The following RTN4IP1 variants were observed in gnomAD, a reference collection of about 807,000 sequenced individuals.
RTN4IP1 encodes the protein reticulon 4 interacting protein 1, also known as NAD(P)H oxidoreductase RTN4IP1, mitochondrial.
A neutral mutation model predicts 46.6 loss-of-function variants in RTN4IP1; 32 were observed. That is an observed-to-expected ratio of 0.69 (90% CI 0.52 to 0.92). The LOEUF is 0.92. RTN4IP1 is among the 40% of genes least tolerant of loss of function. The pLI is 0.00. For synonymous variants in RTN4IP1, 167 were observed against 161.8 expected, an observed-to-expected ratio of 1.03 and a Z score of -0.24; for missense variants, 424 against 485.8, an observed-to-expected ratio of 0.87 and a Z score of 1.20.
At chr6:106,598,690 CTTTAG>C (rs1177182715) in intron 5 of RTN4IP1, among the ~76,000 whole-genome samples, 3 of 151,836 alleles carry the variant, frequency 2.0e-5, no homozygotes, top group African/African-American at 7.3e-5. Context: ...TGCAGAAGCT[CTTTAG>C]TTTAATTAGA....
intron 6 of RTN4IP1, among the ~76,000 whole-genome samples, chr6:106,591,695 G>C (rs1317977134): frequency 6.6e-6 from 1 of 152,018 alleles, no homozygotes; most frequent in Non-Finnish European, 1.5e-5. Flanking sequence ...ACCACAGCCT[G>C]GCATTCAGAC....
chr6:106,620,130 C>T (rs1776451973), intron 3 of RTN4IP1, among the ~76,000 whole-genome samples: 1 of 151,828 alleles, frequency 6.6e-6, no homozygotes, highest in African/African-American at 2.4e-5. Flanking sequence ...GCTCTGTCAC[C>T]CAGGCTGGAG....
At chr6:106,619,893 A>C (rs776250335) in intron 3 of RTN4IP1, among the ~76,000 whole-genome samples, 1 of 151,264 alleles carries the variant, frequency 6.6e-6, no homozygotes, top group East Asian at 2.0e-4. Context: ...TTACAGGCGT[A>C]AGCCACCGCG....
chr6:106,628,205 C>T (rs1053415534), intron 1 of RTN4IP1, among the ~76,000 whole-genome samples: 1 of 151,980 alleles, frequency 6.6e-6, no homozygotes, highest in Non-Finnish European at 1.5e-5. Context: ...CGCAATGGCT[C>T]GTCTGTAATC....
intron 8 of RTN4IP1, among the ~76,000 whole-genome samples, chr6:106,578,041 T>A (rs1012382845): frequency 2.0e-5 from 3 of 152,190 alleles, no homozygotes; most frequent in African/African-American, 7.2e-5. Context: ...CAAATATGTA[T>A]AAATATTTTC....
At chr6:106,624,880 G>A (rs1334670630) in intron 1 of RTN4IP1, among the ~76,000 whole-genome samples, 4 of 144,746 alleles carry the variant, frequency 2.8e-5, no homozygotes, top group African/African-American at 5.1e-5. Flanking sequence ...AGACTGCAGT[G>A]AGCCATGATC....
intron 5 of RTN4IP1, among the ~76,000 whole-genome samples, chr6:106,595,642 T>A (rs577568147): frequency 0.04 from 6,013 of 151,802 alleles, 169 homozygotes; most frequent in Non-Finnish European, 0.06. Context: ...AGATTACAGG[T>A]GCCCACCACC....
intron 1 of RTN4IP1, among the ~76,000 whole-genome samples, chr6:106,626,716 C>CA (rs1360306676): frequency 1.4e-4 from 22 of 152,186 alleles, no homozygotes; most frequent in Non-Finnish European, 2.2e-4. Context: ...TTTGGTGACA[C>CA]GGATGACTGA....
intron 1 of RTN4IP1, among the ~76,000 whole-genome samples, chr6:106,627,874 TCCCA>T (rs1046843310): frequency 2.2e-5 from 3 of 135,044 alleles, no homozygotes; most frequent in African/African-American, 8.3e-5. Context: ...TGCCTCAGCC[TCCCA>T]CCAACACAGT....
chr6:106,572,019 T>C lies in RTN4IP1; in HGVS notation c.1168A>G (p.Lys390Glu), dbSNP rs775362076. ...LKVERGHARGKTVINVV is the reference protein window; with the variant it reads ...LKVERGHARGETVINVV ...ATTTAAACAACATTAATTACAGTCT[T>C]TCCTCGTGCGTGTCCTCTTTCCACC... The change falls in exon 9 of 9, where the codon AAG becomes GAG. Residue 390 changes from lysine (K) to glutamate (E), a missense_variant. Physicochemically the swap from Lys to Glu is moderately conservative, Grantham distance 56. Coordinates refer to ENST00000369063, the MANE Select transcript of RTN4IP1 (RefSeq NM_032730.5). The C allele has an allele frequency of 5.6e-6, 9 of 1,612,996 alleles. No individual in the cohort carries two copies. Among genetic ancestry groups the C allele is most frequent in the South Asian group, 1.1e-5 (1 of 91,058 alleles).
At chr6:106,577,829 G>A (rs889768264) in intron 8 of RTN4IP1, among the ~76,000 whole-genome samples, 1 of 152,050 alleles carries the variant, frequency 6.6e-6, no homozygotes, top group Non-Finnish European at 1.5e-5. Context: ...GTCAAGGGAG[G>A]TACAGCCTCT....
rs1433725163 is a variant in RTN4IP1 at position 106,597,417 on chromosome 6, T to C, written c.670-5117A>G. Among the ~76,000 whole-genome samples, 3 of 152,324 alleles carry C rather than the reference T, an allele frequency of 2.0e-5. No homozygotes were observed. In the East Asian group the frequency reaches 5.8e-4, roughly 29 times the overall value. Reference sequence around the variant, plus strand: ...TGAAGTGCAGTGGTGTGATCACAGCTCACTGCAGCCTCGACCTCCTGGGCT... The same window carrying C: ...TGAAGTGCAGTGGTGTGATCACAGCCCACTGCAGCCTCGACCTCCTGGGCT... On this transcript the variant is annotated intron_variant, in intron 5 of 8. Transcript: ENST00000369063.
At chr6:106,589,117 GGAA>G (rs1554195427) in intron 6 of RTN4IP1, among the ~76,000 whole-genome samples, 1 of 112,508 alleles carries the variant, frequency 8.9e-6, no homozygotes, top group Non-Finnish European at 1.8e-5. Context: ...AAGAAGAAGA[GGAA>G]GAAGAGGAAG....
At position 106,622,888 on chromosome 6, in the gene RTN4IP1, A is replaced by G. The variant is rs2114681951; in HGVS notation, c.356T>C (p.Leu119Pro). Residue 119 changes from leucine to proline, a missense_variant, in exon 2 of 9, where the codon CTG (leucine) becomes CCG (proline). Transcript: ENST00000369063. ...KIKGEEFPLT[L>P]GRDVSGVVME... The stretch of plus-strand genomic sequence containing the variant: ...CACCACGCCAGAGACATCCCGACCC[A>G]GAGTCAGAGGAAATTCTTCTCCTTT... 6.2e-7 allele frequency: 1 copy of G among 1,614,214 alleles called. No homozygotes were observed. Among genetic ancestry groups the G allele is most frequent in the Non-Finnish European group, 8.5e-7 (1 of 1,180,036 alleles).
At chr6:106,619,855 C>G (rs1776443570) in intron 3 of RTN4IP1, among the ~76,000 whole-genome samples, 1 of 151,998 alleles carries the variant, frequency 6.6e-6, no homozygotes, top group Admixed American at 6.6e-5. Flanking sequence ...TCGTGATCCG[C>G]CCGCCTCGGC....
At chr6:106,602,151 T>C (rs1582371021) in intron 5 of RTN4IP1, among the ~76,000 whole-genome samples, 4 of 152,358 alleles carry the variant, frequency 2.6e-5, no homozygotes, top group Admixed American at 2.6e-4. Context: ...ACTGTAGCTC[T>C]GTAGTAAGTT....
upstream of RTN4IP1, among the ~76,000 whole-genome samples, chr6:106,630,160 A>G (rs1158091036): frequency 2.0e-5 from 3 of 152,162 alleles, no homozygotes. Context: ...TTTACCTACC[A>G]CTAAGATACC....
chr6:106,613,697 T>G (rs1217258071), intron 4 of RTN4IP1, among the ~76,000 whole-genome samples: 9 of 152,194 alleles, frequency 5.9e-5, no homozygotes, highest in East Asian at 1.9e-4. Context: ...GTTCTGCTCA[T>G]GATGAGAGAG....
Position 106,621,934 on chromosome 6 carries a change from C to G in RTN4IP1, c.427-441G>C, listed in dbSNP as rs1233063879. Among the ~76,000 whole-genome samples the G allele has an allele frequency of 2.0e-5, 3 of 151,970 alleles. No homozygotes were observed. The East Asian group carries it at 5.8e-4, about 29-fold the overall frequency. On this transcript the variant is annotated intron_variant, in intron 2 of 8. Transcript: ENST00000369063. ...GATTATGAACTATCATTTCTTGGTACAAAAGTTCAAAGTGACAAGTGACAG... is the reference window on the plus strand; with the variant it reads ...GATTATGAACTATCATTTCTTGGTAGAAAAGTTCAAAGTGACAAGTGACAG...
Sources: allele counts gnomAD v4.1 joint callset (sites outside exome capture counted in the v4.1 genomes callset), GRCh38; gene constraint gnomAD v4.1.1; transcripts MANE v1.5; gene names NCBI Gene and HGNC (gene_info 2026-07-23, HGNC 2026-07-21).